The following GABRB1 variants were observed in gnomAD, a reference collection of about 807,000 sequenced individuals.
GABRB1 encodes the protein gamma-aminobutyric acid receptor subunit beta-1.
GABRB1 carries 17 observed loss-of-function variants against 51.6 expected under a neutral mutation model. The observed-to-expected ratio is 0.33, with a 90% CI of 0.23 to 0.49. The LOEUF is 0.49. Among genes scored for constraint, GABRB1 ranks in the 20% least tolerant of loss-of-function variants. GABRB1 has a pLI of 0.99. For missense variants in GABRB1, 410 were observed against 600.6 expected (o/e 0.68, Z 3.32); for synonymous variants, 247 against 218.9 (o/e 1.13, Z -1.14).
At chr4:47,403,856 T>A (rs1728481062) in intron 7 of GABRB1, 145 bp downstream of exon 7, 1 of 735,164 alleles carries the variant, frequency 1.4e-6, no homozygotes, top group Admixed American at 3.1e-5. Context: ...AACATCTAAA[T>A]GTAAGAATGT....
At chr4:47,190,727 A>C (rs1719406028) in intron 4 of GABRB1, among the ~76,000 whole-genome samples, 1 of 152,156 alleles carries the variant, frequency 6.6e-6, no homozygotes. Flanking sequence ...TGGTTCTAAA[A>C]TTTTAATGTA....
chr4:47,111,291 G>A (rs1037308298), intron 3 of GABRB1, among the ~76,000 whole-genome samples: 18 of 151,848 alleles, frequency 1.2e-4, no homozygotes, highest in African/African-American at 4.4e-4. Context: ...GTCCAAACTG[G>A]GGTTTGTGTC....
chr4:47,378,395 G>A (rs1727468227), intron 5 of GABRB1, among the ~76,000 whole-genome samples: 1 of 152,150 alleles, frequency 6.6e-6, no homozygotes. Context: ...GTGCTGGCCC[G>A]CAAGCACCGC....
At chr4:47,213,130 TC>T (rs1378945674) in intron 4 of GABRB1, among the ~76,000 whole-genome samples, 1 of 152,166 alleles carries the variant, frequency 6.6e-6, no homozygotes, top group Non-Finnish European at 1.5e-5. Context: ...ACCCCCATGG[TC>T]CTTATACTCT....
intron 4 of GABRB1, among the ~76,000 whole-genome samples, chr4:47,210,904 A>G (rs1720327715): frequency 6.6e-6 from 1 of 152,192 alleles, no homozygotes; most frequent in African/African-American, 2.4e-5. Context: ...ATCATAGATG[A>G]CTTCTGGGAG....
At position 47,420,440 on chromosome 4, in the gene GABRB1, A is replaced by G. The variant is rs148677537; in HGVS notation, c.1081-5234A>G. ...CAGAAGAGTTCTTTCAACATCAGCA[A>G]CTTTTGAAAAAAAATCTGCTGGTCT... On this transcript the variant is annotated intron_variant, in intron 8 of 8. Transcript: ENST00000295454. Among the ~76,000 whole-genome samples, 266 of 152,200 alleles carry G rather than the reference A, an allele frequency of 1.7e-3. 1 individual carries two copies. Among genetic ancestry groups the G allele is most frequent in the African/African-American group, 6.0e-3 (249 of 41,520 alleles).
At chr4:47,104,528 CTCTT>C (rs1253263517) in intron 3 of GABRB1, among the ~76,000 whole-genome samples, 3 of 151,324 alleles carry the variant, frequency 2.0e-5, no homozygotes, top group Non-Finnish European at 3.0e-5. Flanking sequence ...CTCTCTCTCT[CTCTT>C]TTCTTTTATC....
intron 3 of GABRB1, among the ~76,000 whole-genome samples, chr4:47,152,837 T>C (rs754420618): frequency 5.3e-5 from 8 of 152,084 alleles, no homozygotes; most frequent in Non-Finnish European, 1.2e-4. Flanking sequence ...AGTGCTGCCT[T>C]AAATAACTCA....
At chr4:47,257,406 T>C (rs1021605174) in intron 4 of GABRB1, among the ~76,000 whole-genome samples, 1 of 152,196 alleles carries the variant, frequency 6.6e-6, no homozygotes, top group Admixed American at 6.5e-5. Context: ...TACTTTGAGC[T>C]TTGAGTGTAC....
In GABRB1 at chr4:47,151,248, A is replaced by T. The variant is rs74774028; in HGVS notation, c.241-10001A>T. Among the ~76,000 whole-genome samples, 721 of 151,966 alleles carry T rather than the reference A, an allele frequency of 4.7e-3. 8 individuals carry two copies. Among genetic ancestry groups the T allele is most frequent in the African/African-American group, 0.017 (695 of 41,494 alleles). Reference sequence around the variant, plus strand: ...AAGGAATATTACTGAATCCTTTTCCACTCTATTTTCAGTCAAGAGTTCCTA... The same window carrying T: ...AAGGAATATTACTGAATCCTTTTCCTCTCTATTTTCAGTCAAGAGTTCCTA... On this transcript the variant is annotated intron_variant, in intron 3 of 8. Coordinates refer to ENST00000295454, the MANE Select transcript of GABRB1 (RefSeq NM_000812.4).
At chr4:47,138,692 T>C (rs1716783988) in intron 3 of GABRB1, among the ~76,000 whole-genome samples, 1 of 152,102 alleles carries the variant, frequency 6.6e-6, no homozygotes, top group Admixed American at 6.6e-5. Context: ...GCCCACATTG[T>C]AACCATATGC....
chr4:47,259,125 G>T (rs1221249271), intron 4 of GABRB1, among the ~76,000 whole-genome samples: 1 of 152,076 alleles, frequency 6.6e-6, no homozygotes, highest in Non-Finnish European at 1.5e-5. Context: ...TGCAGCAACT[G>T]ACATCCATCT....
chr4:47,275,599 G>C (rs1475109181), intron 4 of GABRB1, among the ~76,000 whole-genome samples: 2 of 152,064 alleles, frequency 1.3e-5, no homozygotes, highest in African/African-American at 2.4e-5. Context: ...GAGGTGGATG[G>C]GGGGAGGTCT....
At chr4:47,172,415 AGT>A (rs1374124619) in intron 4 of GABRB1, among the ~76,000 whole-genome samples, 1 of 152,130 alleles carries the variant, frequency 6.6e-6, no homozygotes, top group Non-Finnish European at 1.5e-5. Flanking sequence ...CATCCTCCTG[AGT>A]GGTTCAACTC....
chr4:47,239,652 A>T (rs1300325263), intron 4 of GABRB1, among the ~76,000 whole-genome samples: 2 of 152,202 alleles, frequency 1.3e-5, no homozygotes, highest in African/African-American at 2.4e-5. Context: ...TTTCAGTGTT[A>T]ATGGCTTTTA....
At chr4:47,124,359 G>A (rs1716015220) in intron 3 of GABRB1, among the ~76,000 whole-genome samples, 1 of 152,110 alleles carries the variant, frequency 6.6e-6, no homozygotes, top group South Asian at 2.1e-4. Flanking sequence ...GCCCCAGCAT[G>A]AGAAGGTCTG....
intron 3 of GABRB1, among the ~76,000 whole-genome samples, chr4:47,075,485 T>C (rs1727505234): frequency 1.5e-5 from 2 of 136,828 alleles, no homozygotes; most frequent in Admixed American, 7.0e-5. Flanking sequence ...AACAAGTGAA[T>C]CAAATGTTAA....
chr4:47,074,305 C>T (rs1448477952), intron 3 of GABRB1, among the ~76,000 whole-genome samples: 1 of 152,130 alleles, frequency 6.6e-6, no homozygotes, highest in East Asian at 1.9e-4. Context: ...CTAAGAGTGA[C>T]GTACAGTTTA....
chr4:47,358,347 T>TTA (rs1205612762), intron 5 of GABRB1, among the ~76,000 whole-genome samples: 2 of 151,708 alleles, frequency 1.3e-5, no homozygotes, highest in African/African-American at 4.9e-5. Flanking sequence ...TATATGCATA[T>TTA]TATATATGTG....
Sources: allele counts gnomAD v4.1 joint callset (sites outside exome capture counted in the v4.1 genomes callset), GRCh38; gene constraint gnomAD v4.1.1; transcripts MANE v1.5; gene names NCBI Gene and HGNC (gene_info 2026-07-23, HGNC 2026-07-21).